The following PCDHGA2 variants were observed in gnomAD, a reference collection of about 807,000 sequenced individuals.
The protein encoded by PCDHGA2 is protocadherin gamma-A2.
A neutral mutation model predicts 59.2 loss-of-function variants in PCDHGA2; 40 were observed. The ratio of observed to expected loss-of-function variants is 0.68; its 90% CI spans 0.52 to 0.88. The LOEUF is 0.88. Among genes scored for constraint, PCDHGA2 ranks in the 40% least tolerant of loss-of-function variants. The pLI is 0.00. For synonymous variants in PCDHGA2, 560 were observed against 526.0 expected, an observed-to-expected ratio of 1.06 and a Z score of -0.89; for missense variants, 1,226 against 1,204.0, an observed-to-expected ratio of 1.02 and a Z score of -0.27.
At chr5:141,455,041 T>C (rs971722465) in intron 1 of PCDHGA2, among the ~76,000 whole-genome samples, 2 of 151,234 alleles carry the variant, frequency 1.3e-5, no homozygotes, top group Non-Finnish European at 2.9e-5. Flanking sequence ...CTCGATCTCC[T>C]GACCTCGTGA....
At position 141,432,463 on chromosome 5, in the gene PCDHGA2, C is replaced by T; in HGVS notation, c.2425-62344C>T. ...CCGAGATCCTGTACCCCGCCCTCCC[C>T]ACGGACGGTTCCACTGGCGTGGAGC... On this transcript the variant is annotated intron_variant, in intron 1 of 3. Transcript: ENST00000394576. The surrounding 1 kb of genome is among the most constrained non-coding windows in gnomAD (Gnocchi z 6.0). 6.2e-7 allele frequency: 1 copy of T among 1,614,238 alleles called. No individual in the cohort carries two copies. The highest frequency in any genetic ancestry group is 1.1e-5 in the South Asian group (1 of 91,084).
intron 1 of PCDHGA2, chr5:141,364,798 C>T (rs1290164632): frequency 2.5e-6 from 4 of 1,613,890 alleles, no homozygotes; most frequent in Non-Finnish European, 3.4e-6. Context: ...TGCTTCCCTT[C>T]GCGCGGGATG....
rs143638501 is a variant in PCDHGA2, at chr5:141,486,817, T to C, written c.2425-7990T>C. On this transcript the variant is annotated intron_variant, in intron 1 of 3. Coordinates refer to ENST00000394576, the MANE Select transcript of PCDHGA2 (RefSeq NM_018915.4). This position sits in a 1 kb window ranked among gnomAD's most constrained non-coding sequence, Gnocchi z 5.0. ...GGGGCAACCCACCCCTTAGCAGCACTGTAACAGTTCGTCTATTTGTGCTGG... is the reference window on the plus strand; with the variant it reads ...GGGGCAACCCACCCCTTAGCAGCACCGTAACAGTTCGTCTATTTGTGCTGG... 153 of 1,614,220 alleles carry C rather than the reference T, an allele frequency of 9.5e-5. 1 individual carries two copies. In the African/African-American group the frequency reaches 1.4e-3, roughly 15 times the overall value.
chr5:141,375,443 C>T, intron 1 of PCDHGA2: 2 of 1,614,022 alleles, frequency 1.2e-6, no homozygotes, highest in African/African-American at 1.3e-5. Flanking sequence ...CACCTTCCCC[C>T]ATTCATCCTA....
rs539406412 is a variant in PCDHGA2, at chr5:141,427,895, G to A, written c.2425-66912G>A. ...CGATGCAGGCCCACGACCAGGGCTCGCCCGCGCTCAGCGCCAACATGAGCC... is the reference window on the plus strand; with the variant it reads ...CGATGCAGGCCCACGACCAGGGCTCACCCGCGCTCAGCGCCAACATGAGCC... On this transcript the variant is annotated intron_variant, in intron 1 of 3. Transcript: ENST00000394576. 373 of 1,569,222 alleles carry A rather than the reference G, an allele frequency of 2.4e-4. 2 individuals are homozygous for A. In the South Asian group the frequency reaches 3.9e-3, roughly 17 times the overall value.
intron 1 of PCDHGA2, chr5:141,410,390 G>A: frequency 6.2e-7 from 1 of 1,614,012 alleles, no homozygotes; most frequent in South Asian, 1.1e-5. Flanking sequence ...CTTCCATCCT[G>A]GTCTCTGTGT....
intron 1 of PCDHGA2, chr5:141,409,838 G>A: frequency 1.2e-6 from 2 of 1,611,532 alleles, no homozygotes; most frequent in Non-Finnish European, 1.7e-6. Context: ...CAGCGCCAAC[G>A]TGAGCCTGCG....
rs1193417991 is a variant in PCDHGA2 at position 141,491,413 on chromosome 5, G to C, written c.2425-3394G>C. 5.0e-6 allele frequency: 8 copies of C among 1,613,946 alleles called. No individual in the cohort carries two copies. Among genetic ancestry groups the C allele is most frequent in the African/African-American group, 1.3e-5 (1 of 74,906 alleles). ...CCTTCAGGGAAACGCAGACGGGGAC[G>C]GGGGTGGAGGGCAGTGCTGCAGGCG... On this transcript the variant is annotated intron_variant, in intron 1 of 3. Transcript: ENST00000394576. The surrounding 1 kb of genome is among the most constrained non-coding windows in gnomAD (Gnocchi z 6.9).
At chr5:141,353,412 A>T (rs1414392171) in intron 1 of PCDHGA2, among the ~76,000 whole-genome samples, 1 of 152,176 alleles carries the variant, frequency 6.6e-6, no homozygotes, top group Non-Finnish European at 1.5e-5. Context: ...ATCTTCATCA[A>T]TTACATTCTA....
intron 1 of PCDHGA2, among the ~76,000 whole-genome samples, chr5:141,443,720 T>G (rs1349609652): frequency 2.6e-5 from 4 of 152,156 alleles, no homozygotes; most frequent in Non-Finnish European, 5.9e-5. Flanking sequence ...CATATAAAAT[T>G]CCTCATACAT....
chr5:141,377,221 G>GT (rs1773788570), intron 1 of PCDHGA2: 1 of 152,014 alleles, frequency 6.6e-6, no homozygotes, highest in South Asian at 2.1e-4. Context: ...CGTTTCTTAG[G>GT]TTTTTTCCTA....
chr5:141,350,201 G>T, intron 1 of PCDHGA2: 2 of 1,440,872 alleles, frequency 1.4e-6, no homozygotes, highest in Non-Finnish European at 1.8e-6. Context: ...AGTCCAGGGT[G>T]CTGCCATTTC....
At chr5:141,404,142 CAGA>C (rs781433913) in intron 1 of PCDHGA2, 21 of 1,612,668 alleles carry the variant, frequency 1.3e-5, no homozygotes, top group Middle Eastern at 1.6e-4. Context: ...TTAGAAAATT[CAGA>C]AGAAGATTAT....
chr5:141,487,058 C>T lies in PCDHGA2; in HGVS notation c.2425-7749C>T, dbSNP rs775720601. 23 of 1,613,980 alleles carry T rather than the reference C, an allele frequency of 1.4e-5. No individual in the cohort carries two copies. The highest frequency in any genetic ancestry group is 1.0e-4 in the Admixed American group (6 of 59,996). ...AGTCTCTCGATATGCTGGGGAGGTGCGGACGGCTGTTCCTATCCCAGCTGA... is the reference window on the plus strand; with the variant it reads ...AGTCTCTCGATATGCTGGGGAGGTGTGGACGGCTGTTCCTATCCCAGCTGA... On this transcript the variant is annotated intron_variant, in intron 1 of 3. Transcript: ENST00000394576. The surrounding 1 kb of genome is among the most constrained non-coding windows in gnomAD (Gnocchi z 5.0).
In PCDHGA2 at chr5:141,432,785, G is replaced by A. The variant is rs1356593437; in HGVS notation, c.2425-62022G>A. 2.5e-6 allele frequency: 4 copies of A among 1,613,992 alleles called. No individual in the cohort carries two copies. The African/African-American group carries it at 4.0e-5, about 16-fold the overall frequency. On this transcript the variant is annotated intron_variant, in intron 1 of 3. Transcript: ENST00000394576. The surrounding 1 kb of genome is among the most constrained non-coding windows in gnomAD (Gnocchi z 6.0). ...CATCCCCCAAGTCCTGGCGGACCTC[G>A]GCAGCCTCGAGTCTCCAGCTAACTC...
chr5:141,362,282 G>C lies in PCDHGA2; in HGVS notation c.2424+20887G>C, dbSNP rs750712376. The C allele has an allele frequency of 2.5e-6, 4 of 1,613,920 alleles. No homozygotes were observed. In the East Asian group the frequency reaches 8.9e-5, roughly 36 times the overall value. ...ATTCTGGCAATCTCCCTGCGCCTGC[G>C]ACTCTCTTCCAGGTCAGATGCTTGG... On this transcript the variant is annotated intron_variant, in intron 1 of 3. Transcript: ENST00000394576.
intron 1 of PCDHGA2, chr5:141,372,106 G>T: frequency 6.2e-7 from 1 of 1,613,828 alleles, no homozygotes; most frequent in Non-Finnish European, 8.5e-7. Flanking sequence ...GGGCCCGAAG[G>T]CTCTGCGCTC....
At chr5:141,362,477 T>C (rs1269006896) in intron 1 of PCDHGA2, 2 of 1,613,938 alleles carry the variant, frequency 1.2e-6, no homozygotes, top group Admixed American at 1.7e-5. Context: ...CAAGATCTCG[T>C]CTGTGACAAT....
intron 1 of PCDHGA2, chr5:141,400,564 C>T: frequency 6.2e-7 from 1 of 1,612,936 alleles, no homozygotes; most frequent in South Asian, 1.1e-5. Context: ...ATTACCCACC[C>T]AATTTTCTGT....
Sources: allele counts gnomAD v4.1 joint callset (sites outside exome capture counted in the v4.1 genomes callset), GRCh38; gene constraint gnomAD v4.1.1; non-coding constraint Gnocchi (gnomAD v3.1); transcripts MANE v1.5; gene names NCBI Gene and HGNC (gene_info 2026-07-23, HGNC 2026-07-21).